ARSG: variants seen among roughly 807,000 people sequenced by gnomAD.
ARSG encodes the protein arylsulfatase G.
A neutral mutation model predicts 50.5 loss-of-function variants in ARSG; 37 were observed. That is an observed-to-expected ratio of 0.73 (90% CI 0.56 to 0.96). The LOEUF is 0.96. Among genes scored for constraint, ARSG ranks in the 50% least tolerant of loss-of-function variants. ARSG has a pLI of 0.00. For synonymous variants in ARSG, 225 were observed against 254.6 expected (o/e 0.88, Z 1.11); for missense variants, 629 against 675.3 (o/e 0.93, Z 0.76).
chr17:68,261,423 A>C (rs1246016410), intron 1 of ARSG, among the ~76,000 whole-genome samples: 4 of 152,160 alleles, frequency 2.6e-5, no homozygotes, highest in African/African-American at 9.7e-5. Context: ...CCTGTCACCC[A>C]GGCTAGAGTG....
intron 1 of ARSG, among the ~76,000 whole-genome samples, chr17:68,260,715 A>G (rs1249195559): frequency 2.0e-5 from 3 of 151,862 alleles, no homozygotes; most frequent in African/African-American, 7.3e-5. Flanking sequence ...GCTGGTCTGG[A>G]TTCCTGAGCT....
intron 1 of ARSG, among the ~76,000 whole-genome samples, chr17:68,262,820 G>C (rs1165980585): frequency 6.6e-6 from 1 of 152,190 alleles, no homozygotes; most frequent in Non-Finnish European, 1.5e-5. Flanking sequence ...GGATGATCCA[G>C]AGTTCTGCTG....
chr17:68,395,535 C>G (rs2081204527), intron 10 of ARSG, among the ~76,000 whole-genome samples: 1 of 152,226 alleles, frequency 6.6e-6, no homozygotes, highest in South Asian at 2.1e-4. Context: ...TTGCCGCCAG[C>G]AAGTGGCTGG....
chr17:68,264,190 A>G (rs1168192141), intron 1 of ARSG, among the ~76,000 whole-genome samples: 2 of 152,092 alleles, frequency 1.3e-5, no homozygotes, highest in African/African-American at 2.4e-5. Flanking sequence ...CTGATTTACA[A>G]TAGTTGAATT....
intron 1 of ARSG, among the ~76,000 whole-genome samples, chr17:68,262,449 C>T (rs1231689697): frequency 4.0e-5 from 6 of 151,328 alleles, no homozygotes; most frequent in Admixed American, 2.0e-4. Context: ...CCAACCTGGG[C>T]GACAGAGCGA....
chr17:68,410,332 A>G (rs1366678811), intron 11 of ARSG, among the ~76,000 whole-genome samples: 4 of 143,024 alleles, frequency 2.8e-5, no homozygotes, highest in African/African-American at 1.0e-4. Flanking sequence ...TTTAGCATGA[A>G]GGGTTGTTGA....
At chr17:68,350,503 G>A (rs1000173191) in intron 4 of ARSG, among the ~76,000 whole-genome samples, 4 of 152,142 alleles carry the variant, frequency 2.6e-5, no homozygotes, top group African/African-American at 9.7e-5. Flanking sequence ...AGCTTGGGCT[G>A]GGCCGGGCGC....
intron 11 of ARSG, chr17:68,413,484 G>C (rs2082145641): frequency 1.3e-5 from 2 of 152,224 alleles, no homozygotes; most frequent in South Asian, 4.1e-4. Flanking sequence ...CAGATCTCCA[G>C]CTGCGTGCTG....
intron 1 of ARSG, among the ~76,000 whole-genome samples, chr17:68,282,368 G>A (rs527608744): frequency 6.6e-6 from 1 of 152,174 alleles, no homozygotes; most frequent in South Asian, 2.1e-4. Context: ...TGGGGGAAGG[G>A]GGAGGGATAG....
the ARSG span, among the ~76,000 whole-genome samples, chr17:68,429,786 A>T: frequency 6.6e-6 from 1 of 152,074 alleles, no homozygotes; most frequent in Admixed American, 6.5e-5. Context: ...ACGGGATTTC[A>T]CCACGTTGGC....
At chr17:68,352,881 T>TA (rs1439870050) in intron 5 of ARSG, among the ~76,000 whole-genome samples, 1 of 152,040 alleles carries the variant, frequency 6.6e-6, no homozygotes, top group East Asian at 1.9e-4. Context: ...GAGATGCATT[T>TA]ATGATCACAA....
intron 2 of ARSG, among the ~76,000 whole-genome samples, 164 bp from the exon 3 acceptor site, chr17:68,343,440 A>G (rs1211777694): frequency 6.6e-6 from 1 of 152,180 alleles, no homozygotes; most frequent in Non-Finnish European, 1.5e-5. Flanking sequence ...TACAGGGGTG[A>G]GCCACCGCGC....
At chr17:68,416,323 T>C (rs149383664) in intron 11 of ARSG, among the ~76,000 whole-genome samples, 1 of 152,198 alleles carries the variant, frequency 6.6e-6, no homozygotes, top group African/African-American at 2.4e-5. Context: ...ATTGTTTTGA[T>C]GGAGGAGGCT....
At position 68,385,060 on chromosome 17, in the gene ARSG, A is replaced by C. The variant is rs1460528220; in HGVS notation, c.983-4A>C. The stretch of plus-strand genomic sequence containing the variant: ...TGAACCAGCTGCCTCCCCTCCTCTC[A>C]CAGGGGGAAGTCCAGCCAAGCAGAC... On this transcript the variant is annotated splice_region_variant and splice_polypyrimidine_tract_variant and intron_variant, in intron 8 of 11. Transcript: ENST00000621439. 6.2e-7 allele frequency: 1 copy of C among 1,612,920 alleles called. No homozygotes were observed. Among genetic ancestry groups the C allele is most frequent in the South Asian group, 1.1e-5 (1 of 91,048 alleles).
intron 1 of ARSG, among the ~76,000 whole-genome samples, chr17:68,305,687 G>A (rs1355476066): frequency 6.6e-6 from 1 of 152,104 alleles, no homozygotes; most frequent in African/African-American, 2.4e-5. Context: ...AATTAAAAGA[G>A]TTCTTTAGTA....
At chr17:68,364,520 T>C (rs9915555) in intron 6 of ARSG, among the ~76,000 whole-genome samples, 80,044 of 151,862 alleles carry the variant, frequency 0.53, 21,240 homozygotes, top group Admixed American at 0.58. Context: ...TCACCATGCC[T>C]GGCTAATTTT....
the ARSG span, among the ~76,000 whole-genome samples, chr17:68,431,408 G>A: frequency 1.3e-5 from 2 of 152,048 alleles, no homozygotes; most frequent in East Asian, 1.9e-4. Flanking sequence ...TTTATGGGAT[G>A]GTGTCTCTGT....
At chr17:68,427,040 G>A, downstream of ARSG, 1 of 1,033,092 alleles carries the variant, frequency 9.7e-7, no homozygotes, top group Admixed American at 1.9e-5. Flanking sequence ...CCACCCCCAG[G>A]TAACAGTGAA....
intron 3 of ARSG, 59 bp from the exon 4 acceptor site, chr17:68,347,066 G>C (rs756301152): frequency 7.5e-6 from 12 of 1,589,654 alleles, no homozygotes; most frequent in Admixed American, 6.7e-5. Context: ...CAGCTCCTCA[G>C]GGGGCTGTGG....
Sources: allele counts gnomAD v4.1 joint callset (sites outside exome capture counted in the v4.1 genomes callset), GRCh38; gene constraint gnomAD v4.1.1; transcripts MANE v1.5; gene names NCBI Gene and HGNC (gene_info 2026-07-23, HGNC 2026-07-21).